NCOA7: variants seen among roughly 807,000 people sequenced by gnomAD.
NCOA7 encodes the protein 140 kDa estrogen receptor-associated protein.
A neutral mutation model predicts 104.3 loss-of-function variants in NCOA7; 45 were observed. That is an observed-to-expected ratio of 0.43 (90% CI 0.34 to 0.55). The LOEUF (loss-of-function observed/expected upper bound fraction) is 0.55, where lower values mean the gene tolerates loss of function less well. NCOA7 is among the 20% of genes least tolerant of loss of function. The probability of loss-of-function intolerance (pLI) is 0.02; values close to 1 mark genes in which losing one functional copy is unlikely to be tolerated. For missense variants in NCOA7, 1,041 were observed against 1,119.7 expected (o/e 0.93, Z 1.00); for synonymous variants, 398 against 402.3 (o/e 0.99, Z 0.13).
At chr6:125,886,139 G>A (rs574076151) in intron 8 of NCOA7, among the ~76,000 whole-genome samples, 1 of 148,802 alleles carries the variant, frequency 6.7e-6, no homozygotes, top group South Asian at 2.1e-4. Flanking sequence ...CAGTAAAGAG[G>A]GAAACTAGCC....
rs1158597932 is a variant in NCOA7 at position 125,928,263 on chromosome 6, T to G, written c.2693+16T>G. The G allele has an allele frequency of 4.4e-6, 7 of 1,596,172 alleles. No individual in the cohort carries two copies. The highest frequency in any genetic ancestry group is 6.0e-6 in the Non-Finnish European group (7 of 1,174,562). ...GTGGTGGAGGGTAAGGTTTTTTTTGTTTTTGTTTTCTTATTGTTATTTTAC... is the reference window on the plus strand; with the variant it reads ...GTGGTGGAGGGTAAGGTTTTTTTTGGTTTTGTTTTCTTATTGTTATTTTAC... On this transcript the variant is annotated intron_variant, in intron 15 of 15. Transcript: ENST00000392477.
At chr6:125,890,608 A>T (rs1029888067) in intron 9 of NCOA7, 34 bp from the exon 10 acceptor site, 1 of 1,583,578 alleles carries the variant, frequency 6.3e-7, no homozygotes, top group Non-Finnish European at 8.6e-7. Flanking sequence ...AATATTGTCA[A>T]TATTGAGGAA....
intron 1 of NCOA7, among the ~76,000 whole-genome samples, chr6:125,798,906 A>G (rs1233001149): frequency 6.6e-6 from 1 of 152,128 alleles, no homozygotes; most frequent in Non-Finnish European, 1.5e-5. Flanking sequence ...CTCCTTTTAA[A>G]GCTACTAATA....
At chr6:125,894,696 G>A (rs1784871195) in intron 10 of NCOA7, among the ~76,000 whole-genome samples, 1 of 151,846 alleles carries the variant, frequency 6.6e-6, no homozygotes, top group African/African-American at 2.4e-5. Context: ...AAATGAACCA[G>A]ACACACTGAT....
chr6:125,884,910 A>G (rs1471028860), intron 7 of NCOA7, among the ~76,000 whole-genome samples: 3 of 152,208 alleles, frequency 2.0e-5, no homozygotes, highest in Admixed American at 2.0e-4. Context: ...GTGCTGTTGC[A>G]GCAGCTGTGA....
chr6:125,900,069 G>A (rs768796315), intron 10 of NCOA7: 6 of 531,960 alleles, frequency 1.1e-5, no homozygotes, highest in African/African-American at 1.9e-5. Context: ...TGCCTGCAGG[G>A]GCTGTGGAAT....
chr6:125,882,915 TA>T (rs1221592213), intron 7 of NCOA7, among the ~76,000 whole-genome samples: 1 of 152,184 alleles, frequency 6.6e-6, no homozygotes, highest in Non-Finnish European at 1.5e-5. Context: ...AGGGGCAAGG[TA>T]TTTACATGTC....
chr6:125,860,296 T>C (rs1562929169), intron 3 of NCOA7, among the ~76,000 whole-genome samples: 7 of 152,354 alleles, frequency 4.6e-5, no homozygotes, highest in Admixed American at 4.6e-4. Flanking sequence ...GTTTGGTCTA[T>C]ATTACAATAT....
rs140791290 is a variant in NCOA7, at chr6:125,841,179, C to T, written c.51-13841C>T. On this transcript the variant is annotated intron_variant, in intron 2 of 15. Coordinates refer to ENST00000392477, the MANE Select transcript of NCOA7 (RefSeq NM_181782.5). ...TGCTGGGATTACAGGTGTGAGCCAC[C>T]GCGCCTGGCCTACCTTTTATGTTTT... Among the ~76,000 whole-genome samples the T allele has an allele frequency of 9.5e-4, 143 of 149,744 alleles. 1 individual carries two copies. The highest frequency in any genetic ancestry group is 3.5e-3 in the African/African-American group (139 of 39,398).
At chr6:125,797,447 C>G (rs563800320) in intron 1 of NCOA7, among the ~76,000 whole-genome samples, 23 of 152,308 alleles carry the variant, frequency 1.5e-4, no homozygotes, top group African/African-American at 5.3e-4. Flanking sequence ...GAATTTCTGA[C>G]TAGTGGGTTA....
chr6:125,916,659 C>T (rs1427197540), intron 11 of NCOA7, among the ~76,000 whole-genome samples: 1 of 152,194 alleles, frequency 6.6e-6, no homozygotes, highest in Non-Finnish European at 1.5e-5. Context: ...CTTACCAGGA[C>T]TCCTGAGTTC....
intron 8 of NCOA7, among the ~76,000 whole-genome samples, chr6:125,887,203 G>A (rs1049555357): frequency 1.3e-5 from 2 of 152,230 alleles, no homozygotes; most frequent in African/African-American, 4.8e-5. Context: ...TGGGGGTCAA[G>A]CTAGGTAGAG....
intron 1 of NCOA7, among the ~76,000 whole-genome samples, chr6:125,801,071 G>A (rs1229270720): frequency 2.0e-5 from 3 of 152,282 alleles, no homozygotes; most frequent in African/African-American, 7.2e-5. Context: ...ACACAAGGTA[G>A]CATAAGTGTG....
chr6:125,800,921 G>A (rs1775826656), intron 1 of NCOA7, among the ~76,000 whole-genome samples: 1 of 152,176 alleles, frequency 6.6e-6, no homozygotes. Flanking sequence ...CAGCTACTGG[G>A]GAGTGTGAGG....
chr6:125,846,361 A>AT (rs139496689), intron 2 of NCOA7, among the ~76,000 whole-genome samples: 59 of 148,234 alleles, frequency 4.0e-4, no homozygotes, highest in South Asian at 6.4e-4. Flanking sequence ...AGAAAAAAAA[A>AT]TTTTTTTTTT....
chr6:125,815,502 T>C (rs754965586), intron 2 of NCOA7, 98 bp downstream of exon 2: 69 of 977,332 alleles, frequency 7.1e-5, no homozygotes, highest in Non-Finnish European at 9.9e-5. Context: ...GTTTTGTGCT[T>C]GTTCATAAAT....
At chr6:125,893,406 CAT>C (rs1784766371) in intron 10 of NCOA7, among the ~76,000 whole-genome samples, 1 of 152,208 alleles carries the variant, frequency 6.6e-6, no homozygotes, top group African/African-American at 2.4e-5. Flanking sequence ...ACTTCACAAA[CAT>C]ATGTTTCACT....
At chr6:125,837,112 A>G (rs1779678941) in intron 2 of NCOA7, among the ~76,000 whole-genome samples, 11 of 152,190 alleles carry the variant, frequency 7.2e-5, no homozygotes, top group Admixed American at 7.2e-4. Flanking sequence ...GTGTAAAGCG[A>G]CTTTGCTTGA....
chr6:125,829,994 A>G (rs543871839), intron 2 of NCOA7, among the ~76,000 whole-genome samples: 137 of 152,292 alleles, frequency 9.0e-4, no homozygotes, highest in African/African-American at 3.1e-3. Flanking sequence ...TAGGTTTGGA[A>G]TATCTACTGC....
Sources: gnomAD v4.1 joint callset for allele counts (sites outside exome capture counted in the v4.1 genomes callset) on GRCh38, gnomAD v4.1.1 for gene constraint, MANE v1.5 for transcripts, NCBI Gene and HGNC (gene_info 2026-07-23, HGNC 2026-07-21) for gene names.